The following EIF3K variants were observed in gnomAD, a reference collection of about 807,000 sequenced individuals.
EIF3K encodes the protein eukaryotic translation initiation factor 3 subunit K, also known as eIF-3 p28.
A neutral mutation model predicts 34.2 loss-of-function variants in EIF3K; 27 were observed. That is an observed-to-expected ratio of 0.79 (90% CI 0.58 to 1.09). The LOEUF is 1.09. EIF3K is among the 50% of genes least tolerant of loss of function. EIF3K has a pLI of 0.00. For synonymous variants in EIF3K, 105 were observed against 105.7 expected, an observed-to-expected ratio of 0.99 and a Z score of 0.04; for missense variants, 232 against 275.4, an observed-to-expected ratio of 0.84 and a Z score of 1.11.
At chr19:38,623,948 C>T in intron 2 of EIF3K, 129 bp from the exon 3 acceptor site, 1 of 1,435,490 alleles carries the variant, frequency 7.0e-7, no homozygotes, top group East Asian at 2.3e-5. Flanking sequence ...CTGGGAAGCA[C>T]TGGGACTGGG....
chr19:38,627,636 G>A (rs1057160543), intron 4 of EIF3K, among the ~76,000 whole-genome samples: 9 of 151,214 alleles, frequency 6.0e-5, no homozygotes, highest in Non-Finnish European at 8.8e-5. Context: ...AGATCATGCC[G>A]TTGCACTCCA....
At chr19:38,635,656 C>T (rs1013184204) in intron 7 of EIF3K, 2 of 158,040 alleles carry the variant, frequency 1.3e-5, no homozygotes, top group Admixed American at 6.2e-5. Context: ...AGTATCATAC[C>T]TACCTCATGG....
At chr19:38,626,130 G>C (rs1211603229) in intron 4 of EIF3K, 28 bp downstream of exon 4, 7 of 1,603,096 alleles carry the variant, frequency 4.4e-6, no homozygotes, top group Non-Finnish European at 6.0e-6. Flanking sequence ...CAGGGGCAGG[G>C]GAGATGGCAG....
chr19:38,633,236 C>T (rs188155564), intron 6 of EIF3K, among the ~76,000 whole-genome samples: 87 of 152,148 alleles, frequency 5.7e-4, no homozygotes, highest in African/African-American at 1.9e-3. Context: ...TGTGGGGCCT[C>T]GGGAGGACCT....
At chr19:38,620,560 A>G in intron 2 of EIF3K, 125 bp downstream of exon 2, 1 of 811,772 alleles carries the variant, frequency 1.2e-6, no homozygotes. Flanking sequence ...GTGCAAGACT[A>G]GGAAGCCAAG....
chr19:38,636,333 T>G (rs1046304462), intron 7 of EIF3K, among the ~76,000 whole-genome samples: 2 of 152,084 alleles, frequency 1.3e-5, no homozygotes, highest in African/African-American at 2.4e-5. Context: ...TCTGGCTCCA[T>G]TGCTCTGTGT....
In EIF3K at chr19:38,622,814, A is replaced by C. The variant is rs188139091; in HGVS notation, c.159-1263A>C. 3.7e-3 allele frequency among the ~76,000 whole-genome samples: 560 copies of C among 152,366 alleles called. 3 individuals are homozygous for C. The highest frequency in any genetic ancestry group is 0.012 in the African/African-American group (514 of 41,592). The stretch of plus-strand genomic sequence containing the variant: ...GCATTCTCTTTCTCAGGGACGTTCC[A>C]TGCTGAGAAAAAGAATTCAGCGATA... On this transcript the variant is annotated intron_variant, in intron 2 of 7. Transcript: ENST00000248342.
Position 38,626,242 on chromosome 19 carries a change from TATC to T in EIF3K, c.354+144_354+146del, listed in dbSNP as rs577949791. ...CTCTGCATGTGTGTGTTTGTGGAAT[TATC>T]ATCCTCTCGCGGAGCAGGTACTCAC... On this transcript the variant is annotated intron_variant, in intron 4 of 7. Coordinates refer to ENST00000248342, the MANE Select transcript of EIF3K (RefSeq NM_013234.4). 4.2e-4 allele frequency: 335 copies of T among 799,508 alleles called. No individual in the cohort carries two copies. The African/African-American group carries it at 4.8e-3, about 11-fold the overall frequency. The allele number at this position is 799,508 out of a possible 1,614,324, so 49.5% of individuals were successfully genotyped here.
intron 4 of EIF3K, 122 bp downstream of exon 4, chr19:38,626,224 T>C (rs1975948659): frequency 1.1e-6 from 1 of 878,634 alleles, no homozygotes; most frequent in Non-Finnish European, 1.9e-6. Flanking sequence ...GTGCTCTGCA[T>C]GTGTGTGTTT....
intron 4 of EIF3K, among the ~76,000 whole-genome samples, chr19:38,628,090 G>A (rs1975985989): frequency 6.6e-6 from 1 of 151,918 alleles, no homozygotes; most frequent in Admixed American, 6.6e-5. Flanking sequence ...TTTTAGTAGA[G>A]ACGGGGTTTC....
intron 2 of EIF3K, among the ~76,000 whole-genome samples, chr19:38,621,791 T>C (rs200988986): frequency 2.6e-5 from 4 of 152,200 alleles, no homozygotes; most frequent in East Asian, 1.9e-4. Context: ...GTTTTGTTTT[T>C]GATATGGCTG....
intron 2 of EIF3K, among the ~76,000 whole-genome samples, chr19:38,621,122 G>A (rs1007656507): frequency 1.3e-5 from 2 of 151,668 alleles, no homozygotes; most frequent in African/African-American, 4.9e-5. Context: ...GCTTAAGCCT[G>A]GAAGATTAAG....
chr19:38,630,091 C>T (rs1229171996), intron 4 of EIF3K, among the ~76,000 whole-genome samples: 2 of 151,904 alleles, frequency 1.3e-5, no homozygotes, highest in African/African-American at 4.8e-5. Flanking sequence ...ATATAACTTA[C>T]ATCACATGGC....
intron 2 of EIF3K, among the ~76,000 whole-genome samples, chr19:38,621,064 G>T (rs1975829450): frequency 6.6e-6 from 1 of 152,116 alleles, no homozygotes; most frequent in East Asian, 1.9e-4. Flanking sequence ...TAATGTAGCG[G>T]TGTGTGGCTG....
intron 2 of EIF3K, among the ~76,000 whole-genome samples, chr19:38,621,977 C>T (rs1446049320): frequency 6.9e-6 from 1 of 145,322 alleles, no homozygotes; most frequent in Non-Finnish European, 1.5e-5. Context: ...ACAGTCATGG[C>T]TCACTGCATC....
In EIF3K at chr19:38,619,264, A is replaced by G. The variant is rs1450108009; in HGVS notation, c.-5A>G. The G allele has an allele frequency of 6.2e-7, 1 of 1,613,890 alleles. No homozygotes were observed. ...CAGCCCTGGTTGTGGAAGGCGACAG[A>G]AGTCATGGCGATGTTTGAGCAGATG... On this transcript the variant is annotated 5_prime_UTR_variant, in exon 1 of 8. Transcript: ENST00000248342.
chr19:38,626,224 T>G, intron 4 of EIF3K, 122 bp downstream of exon 4: 1 of 878,752 alleles, frequency 1.1e-6, no homozygotes, highest in Non-Finnish European at 1.9e-6. Flanking sequence ...GTGCTCTGCA[T>G]GTGTGTGTTT....
At chr19:38,633,559 G>A (rs1276105298) in intron 6 of EIF3K, among the ~76,000 whole-genome samples, 1 of 152,062 alleles carries the variant, frequency 6.6e-6, no homozygotes, top group Non-Finnish European at 1.5e-5. Context: ...ATTGCTGGGT[G>A]TGGTGGCGTG....
intron 4 of EIF3K, among the ~76,000 whole-genome samples, chr19:38,627,305 G>A (rs1156796074): frequency 6.6e-6 from 1 of 151,980 alleles, no homozygotes; most frequent in Non-Finnish European, 1.5e-5. Context: ...CAGTTTTGAA[G>A]TGTGTGTGTC....
Sources: allele counts gnomAD v4.1 joint callset (sites outside exome capture counted in the v4.1 genomes callset), GRCh38; gene constraint gnomAD v4.1.1; transcripts MANE v1.5; gene names NCBI Gene and HGNC (gene_info 2026-07-23, HGNC 2026-07-21).